The following MAPK4 variants were observed in gnomAD, a reference collection of about 807,000 sequenced individuals.
MAPK4 encodes Erk3-related.
MAPK4 carries 22 observed loss-of-function variants against 47.7 expected under a neutral mutation model. The observed-to-expected ratio is 0.46, with a 90% CI of 0.33 to 0.66. The LOEUF (loss-of-function observed/expected upper bound fraction) is 0.66, where lower values mean the gene tolerates loss of function less well. Among genes scored for constraint, MAPK4 ranks in the 30% least tolerant of loss-of-function variants. The pLI is 0.02. For synonymous variants in MAPK4, 390 were observed against 365.7 expected (o/e 1.07, Z -0.76); for missense variants, 736 against 831.7 (o/e 0.88, Z 1.42).
chr18:50,633,051 G>A (rs1463612022), intron 1 of MAPK4, among the ~76,000 whole-genome samples: 2 of 152,178 alleles, frequency 1.3e-5, no homozygotes, highest in African/African-American at 4.8e-5. Context: ...GGTTAAGGCT[G>A]TAGTCTGGAT....
chr18:50,703,607 A>G (rs1049910429), intron 2 of MAPK4, among the ~76,000 whole-genome samples: 1 of 152,186 alleles, frequency 6.6e-6, no homozygotes, highest in Non-Finnish European at 1.5e-5. Context: ...CCAGGTATCG[A>G]GTTGATATGT....
intron 1 of MAPK4, among the ~76,000 whole-genome samples, chr18:50,662,353 C>G (rs1907316262): frequency 6.6e-6 from 1 of 152,296 alleles, no homozygotes; most frequent in South Asian, 2.1e-4. Flanking sequence ...GAGTCAACAG[C>G]CACCAGAGGG....
At chr18:50,700,728 C>G in intron 2 of MAPK4, among the ~76,000 whole-genome samples, 1 of 152,210 alleles carries the variant, frequency 6.6e-6, no homozygotes, top group Middle Eastern at 3.2e-3. Context: ...CTTCAAAACC[C>G]TCTCGGGTGC....
upstream of MAPK4, among the ~76,000 whole-genome samples, chr18:50,559,684 G>A (rs111363795): frequency 6.7e-6 from 1 of 148,362 alleles, no homozygotes; most frequent in Non-Finnish European, 1.5e-5. Context: ...GGCTCAGGCA[G>A]ATCCCCGCTT....
At chr18:50,703,275 C>T (rs1909883470) in intron 2 of MAPK4, among the ~76,000 whole-genome samples, 1 of 152,186 alleles carries the variant, frequency 6.6e-6, no homozygotes. Flanking sequence ...GCAGGCACCT[C>T]CTTCCTCCAG....
At chr18:50,624,903 G>A (rs910075781) in intron 1 of MAPK4, among the ~76,000 whole-genome samples, 21 of 152,018 alleles carry the variant, frequency 1.4e-4, no homozygotes, top group African/African-American at 5.1e-4. Context: ...TGACACCTGA[G>A]AGCACCCAGC....
At chr18:50,642,893 C>T (rs1184701195) in intron 1 of MAPK4, among the ~76,000 whole-genome samples, 3 of 152,200 alleles carry the variant, frequency 2.0e-5, no homozygotes, top group African/African-American at 7.2e-5. Context: ...GCATAAGCCA[C>T]CACGCCTGTC....
chr18:50,620,467 G>A (rs1418778231), intron 1 of MAPK4, among the ~76,000 whole-genome samples: 1 of 152,168 alleles, frequency 6.6e-6, no homozygotes, highest in Non-Finnish European at 1.5e-5. Flanking sequence ...ATCTTCATGT[G>A]GCCATGAACT....
At chr18:50,646,897 G>A (rs1025165625) in intron 1 of MAPK4, among the ~76,000 whole-genome samples, 1 of 152,118 alleles carries the variant, frequency 6.6e-6, no homozygotes, top group African/African-American at 2.4e-5. Flanking sequence ...CTTCTTCAGG[G>A]AGCCTGCTGT....
intron 2 of MAPK4, among the ~76,000 whole-genome samples, chr18:50,711,113 C>T: frequency 6.6e-6 from 1 of 152,246 alleles, no homozygotes; most frequent in East Asian, 1.9e-4. Flanking sequence ...GGCTGCTTCC[C>T]TGCTCCCTCT....
At chr18:50,695,678 G>A (rs974128748) in intron 2 of MAPK4, among the ~76,000 whole-genome samples, 7 of 152,168 alleles carry the variant, frequency 4.6e-5, no homozygotes, top group Non-Finnish European at 5.9e-5. Flanking sequence ...CTGGGGAGCC[G>A]AGAGTGAGAA....
rs755960522 is a variant in MAPK4, at chr18:50,650,690, C to T, written c.-870-12399C>T. Among the ~76,000 whole-genome samples, 8 of 152,224 alleles carry T rather than the reference C, an allele frequency of 5.3e-5. 1 individual carries two copies. The highest frequency in any genetic ancestry group is 3.2e-3 in the Middle Eastern group (1 of 316). ...CAGGACAGGGCTAATTCTCAGTCCC[C>T]TCCTGCCATCGCTTCCTGAGGGCAG... On this transcript the variant is annotated intron_variant, in intron 1 of 5. Transcript: ENST00000400384.
chr18:50,630,002 T>C (rs1346742460), intron 1 of MAPK4: 1 of 152,112 alleles, frequency 6.6e-6, no homozygotes, highest in Non-Finnish European at 1.5e-5. Context: ...TAATGAACAT[T>C]AGCTTTAGAC....
chr18:50,566,500 C>T (rs892265178), intron 1 of MAPK4, among the ~76,000 whole-genome samples: 5 of 152,312 alleles, frequency 3.3e-5, no homozygotes, highest in African/African-American at 9.6e-5. Context: ...GCTGGGATAC[C>T]GTTCTTCTGT....
chr18:50,714,045 TCTTAA>T (rs1452273595), intron 2 of MAPK4, among the ~76,000 whole-genome samples: 3 of 152,196 alleles, frequency 2.0e-5, no homozygotes, highest in Non-Finnish European at 4.4e-5. Context: ...GTCCTGGCCT[TCTTAA>T]CTTTTCATCT....
At chr18:50,631,784 T>C (rs2042832600) in intron 1 of MAPK4, among the ~76,000 whole-genome samples, 1 of 152,324 alleles carries the variant, frequency 6.6e-6, no homozygotes, top group Middle Eastern at 3.4e-3. Context: ...AGAGATGTGC[T>C]GAAGCCAAAC....
intron 2 of MAPK4, among the ~76,000 whole-genome samples, chr18:50,695,338 TAAAAAAAAAAAAA>T (rs59857315): frequency 2.4e-5 from 2 of 84,692 alleles, no homozygotes; most frequent in African/African-American, 4.5e-5. Flanking sequence ...GGCTCCATCT[TAAAAAAAAAAAAA>T]AAAAAAAAAA....
chr18:50,644,634 C>T (rs1346141465), intron 1 of MAPK4, among the ~76,000 whole-genome samples: 4 of 152,090 alleles, frequency 2.6e-5, no homozygotes, highest in African/African-American at 9.7e-5. Flanking sequence ...CAAAGTGATG[C>T]CTAACATTTA....
intron 2 of MAPK4, among the ~76,000 whole-genome samples, chr18:50,685,606 G>C (rs1024745720): frequency 2.0e-5 from 3 of 152,204 alleles, no homozygotes; most frequent in African/African-American, 7.2e-5. Flanking sequence ...AGCCAGGCAG[G>C]ACTCCTGTCC....
Sources: gnomAD v4.1 joint callset for allele counts (sites outside exome capture counted in the v4.1 genomes callset) on GRCh38, gnomAD v4.1.1 for gene constraint, MANE v1.5 for transcripts, NCBI Gene and HGNC (gene_info 2026-07-23, HGNC 2026-07-21) for gene names.